Variants in ZNF236 observed in about 807,000 individuals in gnomAD.
ZNF236 encodes regulated by glucose.
ZNF236 carries 50 observed loss-of-function variants against 191.2 expected under a neutral mutation model. The observed-to-expected ratio is 0.26, with a 90% CI of 0.21 to 0.33. The LOEUF (loss-of-function observed/expected upper bound fraction) is 0.33, where lower values mean the gene tolerates loss of function less well. Ranked by LOEUF, ZNF236 falls within the 10% of genes least tolerant of loss-of-function variation. ZNF236 has a pLI of 1.00. For synonymous variants in ZNF236, 907 were observed against 928.8 expected (o/e 0.98, Z 0.43); for missense variants, 1,754 against 2,374.5 (o/e 0.74, Z 5.43).
rs777257705 is a variant in ZNF236, at chr18:76,913,730, G to C, written c.2910-17G>C. 2.5e-6 allele frequency: 4 copies of C among 1,612,532 alleles called. No homozygotes were observed. In the East Asian group the frequency reaches 8.9e-5, roughly 36 times the overall value. On this transcript the variant is annotated splice_polypyrimidine_tract_variant and intron_variant, in intron 17 of 30. Transcript: ENST00000320610. ...TATGAATTAACGTGGTCTGAGTTCT[G>C]TATGTTTGCTTTGTAGGTGTGACTA... is the stretch of plus-strand genomic sequence containing the variant.
chr18:76,855,474 C>T (rs1398704730), intron 3 of ZNF236, among the ~76,000 whole-genome samples: 2 of 152,162 alleles, frequency 1.3e-5, no homozygotes, highest in African/African-American at 2.4e-5. Context: ...TATTAGTCAA[C>T]CCATAATATT....
chr18:76,899,445 G>A (rs1433418118), intron 11 of ZNF236, among the ~76,000 whole-genome samples: 2 of 152,238 alleles, frequency 1.3e-5, no homozygotes, highest in South Asian at 2.1e-4. Context: ...TTGTTTTCTC[G>A]GATTAGAGAC....
chr18:76,874,249 T>C lies in ZNF236; in HGVS notation c.668-1243T>C, dbSNP rs189050927. ...ATTTGTGTACTGTCCCCAAGCTTGT[T>C]ATATCTCATTCACTTATTTAACCCT... On this transcript the variant is annotated intron_variant, in intron 5 of 30. Coordinates refer to ENST00000320610, the MANE Select transcript of ZNF236 (RefSeq NM_001306089.2). 2.9e-4 allele frequency among the ~76,000 whole-genome samples: 44 copies of C among 152,328 alleles called. 1 individual carries two copies. The East Asian group carries it at 8.1e-3, about 28-fold the overall frequency.
At chr18:76,878,366 A>G (rs564389927) in intron 7 of ZNF236, among the ~76,000 whole-genome samples, 1 of 152,334 alleles carries the variant, frequency 6.6e-6, no homozygotes, top group Non-Finnish European at 1.5e-5. Flanking sequence ...ACCTGTGAAA[A>G]TAAGACAAAC....
Position 76,969,430 on chromosome 18 carries a change from A to T in ZNF236, c.*1091A>T, listed in dbSNP as rs1285869396. 1 of 152,640 alleles carries T rather than the reference A, an allele frequency of 6.6e-6. No individual in the cohort carries two copies. Among genetic ancestry groups the T allele is most frequent in the Non-Finnish European group, 1.5e-5 (1 of 68,050 alleles). The allele number at this position is 152,640 out of a possible 1,614,324, so 9.5% of individuals were successfully genotyped here. A position where few individuals can be genotyped will look rare whatever the true frequency, so the allele number is the denominator to read the frequency against. On this transcript the variant is annotated 3_prime_UTR_variant, in exon 31 of 31. Transcript: ENST00000320610. ...TTGAAATTATTTATATGTTCTATAT[A>T]TAAATACATATGTACATAGATATAT...
chr18:76,823,127 G>T (rs1389584266), intron 1 of ZNF236, among the ~76,000 whole-genome samples: 1 of 151,494 alleles, frequency 6.6e-6, no homozygotes, highest in East Asian at 1.9e-4. Context: ...CGGCGCCCCC[G>T]CCCGACCCTG....
chr18:76,904,620 G>T, intron 12 of ZNF236, 99 bp downstream of exon 12: 1 of 1,102,140 alleles, frequency 9.1e-7, no homozygotes, highest in Non-Finnish European at 1.2e-6. Flanking sequence ...ATTAGCTTTT[G>T]GTATTAAAGA....
intron 20 of ZNF236, among the ~76,000 whole-genome samples, chr18:76,922,403 A>T (rs992520763): frequency 3.3e-5 from 5 of 152,028 alleles, no homozygotes; most frequent in Admixed American, 2.6e-4. Flanking sequence ...TTCTTCTTTG[A>T]TTCTAAGTGT....
rs997654452 is a variant in ZNF236, at chr18:76,875,404, T to A, written c.668-88T>A. On this transcript the variant is annotated intron_variant, in intron 5 of 30. Transcript: ENST00000320610. The surrounding 1 kb of genome is among the most constrained non-coding windows in gnomAD (Gnocchi z 4.3). Reference sequence around the variant, plus strand: ...GAGACATTTTGGCTGGAGGGATAGGTTTGGGTAACTTCAGTGTTGTTCTTT... The same window carrying A: ...GAGACATTTTGGCTGGAGGGATAGGATTGGGTAACTTCAGTGTTGTTCTTT... The A allele has an allele frequency of 1.2e-5, 15 of 1,297,868 alleles. No individual in the cohort carries two copies. Among genetic ancestry groups the A allele is most frequent in the Non-Finnish European group, 1.5e-5 (15 of 987,358 alleles). 80.4% of individuals were successfully genotyped at this position (1,297,868 alleles called of 1,614,324 possible).
rs77748921 is a variant in ZNF236, at chr18:76,894,170, C to T, written c.1418-843C>T. On this transcript the variant is annotated intron_variant, in intron 9 of 30. Transcript: ENST00000320610. ...GGTGATTCTAAGTTTTAGTTACCTG[C>T]ATTCAACCAAATTCCCAAAAATATT... is the stretch of plus-strand genomic sequence containing the variant. Among the ~76,000 whole-genome samples, 530 of 152,338 alleles carry T rather than the reference C, an allele frequency of 3.5e-3. 25 individuals carry two copies. In the East Asian group the frequency reaches 0.083, roughly 24 times the overall value.
rs1158473656 is a variant in ZNF236 at position 76,960,944 on chromosome 18, A to C, written c.5419+89A>C. 13 of 1,410,022 alleles carry C rather than the reference A, an allele frequency of 9.2e-6. No individual in the cohort carries two copies. Among genetic ancestry groups the C allele is most frequent in the Non-Finnish European group, 1.2e-5 (13 of 1,058,500 alleles). 87.3% of individuals were successfully genotyped at this position (1,410,022 alleles called of 1,614,324 possible). On this transcript the variant is annotated intron_variant, in intron 30 of 30. Transcript: ENST00000320610. The surrounding 1 kb of genome is among the most constrained non-coding windows in gnomAD (Gnocchi z 4.4). ...ATACATTGTTTCCTTTAGTTCACAC[A>C]GTGATTTTGCATTGCACGTGGTACA...
chr18:76,828,062 C>T (rs981382777), intron 1 of ZNF236, among the ~76,000 whole-genome samples: 1 of 151,976 alleles, frequency 6.6e-6, no homozygotes, highest in Non-Finnish European at 1.5e-5. Context: ...ATAAACAAGT[C>T]TTTTCCTGAT....
chr18:76,824,171 A>G (rs902340651), intron 1 of ZNF236: 6 of 625,178 alleles, frequency 9.6e-6, no homozygotes, highest in East Asian at 2.7e-5. Context: ...CCTGGAAACT[A>G]CAAAGGATTG....
chr18:76,948,335 CA>C (rs1968319003), intron 27 of ZNF236, among the ~76,000 whole-genome samples: 1 of 152,062 alleles, frequency 6.6e-6, no homozygotes, highest in South Asian at 2.1e-4. Context: ...GGCTTTTTCA[CA>C]AAGAGATGAG....
chr18:76,847,621 A>T (rs185423833), intron 1 of ZNF236, among the ~76,000 whole-genome samples: 2 of 151,866 alleles, frequency 1.3e-5, no homozygotes, highest in East Asian at 3.9e-4. Context: ...GCCCACCACC[A>T]CGCCCGGCTG....
intron 6 of ZNF236, among the ~76,000 whole-genome samples, chr18:76,877,398 C>T (rs1049229250): frequency 6.6e-6 from 1 of 151,854 alleles, no homozygotes; most frequent in Non-Finnish European, 1.5e-5. Context: ...ATCCCAGCTA[C>T]TTGGGAGGCT....
Position 76,899,207 on chromosome 18 carries a change from C to G in ZNF236, c.1879C>G (p.Leu627Val), listed in dbSNP as rs903539858. The stretch of plus-strand genomic sequence containing the variant: ...TGATATTCCTTTGCAGGAACCAATC[C>G]TCATAACTGACTTAGGTAAGATGGA... ...VPDIPLQEPI[L>V]ITDLGLIQPI... The change falls in exon 11 of 31, where the codon CTC (leucine) becomes GTC (valine). Residue 627 changes from leucine (L) to valine (V), a missense_variant. By Grantham distance (32) the Leu-to-Val change is conservative. This residue lies in a region of ZNF236 where 641 missense variants were observed against 869.6 expected (regional missense o/e 0.74). Transcript: ENST00000320610. 5 of 1,613,546 alleles carry G rather than the reference C, an allele frequency of 3.1e-6. No individual in the cohort carries two copies. The highest frequency in any genetic ancestry group is 3.4e-6 in the Non-Finnish European group (4 of 1,179,570).
intron 4 of ZNF236, among the ~76,000 whole-genome samples, chr18:76,869,879 T>C (rs1467329000): frequency 6.6e-6 from 1 of 152,142 alleles, no homozygotes; most frequent in Admixed American, 6.5e-5. Context: ...TTGCTTGTAC[T>C]CAGAAGGTGG....
chr18:76,912,602 G>T (rs1004476710), intron 17 of ZNF236, among the ~76,000 whole-genome samples: 3 of 152,180 alleles, frequency 2.0e-5, no homozygotes, highest in Non-Finnish European at 4.4e-5. Flanking sequence ...GAAGTACTCT[G>T]CTGCAGCTTC....
Sources: allele counts gnomAD v4.1 joint callset (sites outside exome capture counted in the v4.1 genomes callset), GRCh38; gene constraint gnomAD v4.1.1; regional missense constraint gnomAD v4.1.1; non-coding constraint Gnocchi (gnomAD v3.1); transcripts MANE v1.5; gene names NCBI Gene and HGNC (gene_info 2026-07-23, HGNC 2026-07-21).